GPRC5D: variants seen among roughly 807,000 people sequenced by gnomAD.
The protein encoded by GPRC5D is G protein-coupled receptor family C group 5 member D.
A neutral mutation model predicts 29.3 loss-of-function variants in GPRC5D; 20 were observed. The ratio of observed to expected loss-of-function variants is 0.68; its 90% CI spans 0.48 to 0.99. The LOEUF is 0.99. GPRC5D is among the 50% of genes least tolerant of loss of function. The pLI is 0.00. For synonymous variants in GPRC5D, 178 were observed against 171.3 expected (o/e 1.04, Z -0.30); for missense variants, 384 against 423.6 (o/e 0.91, Z 0.82).
chr12:12,946,309 T>TTTTCTTTCTTTCTTTC (rs745322553), intron 1 of GPRC5D, among the ~76,000 whole-genome samples: 8 of 37,666 alleles, frequency 2.1e-4, no homozygotes, highest in African/African-American at 5.9e-4. Context: ...CCTTCCTTCC[T>TTTTCTTTCTTTCTTTC]TTTCTTTCTT....
chr12:12,946,414 T>C (rs4763906), intron 1 of GPRC5D, among the ~76,000 whole-genome samples: 1 of 42,680 alleles, frequency 2.3e-5, no homozygotes, highest in Non-Finnish European at 9.1e-5. Flanking sequence ...TTCTCTCTCT[T>C]TCTCTCTCTC....
chr12:12,951,226 G>A (rs114899913), upstream of GPRC5D, among the ~76,000 whole-genome samples: 1,025 of 152,282 alleles, frequency 6.7e-3, 16 homozygotes, highest in African/African-American at 0.023. Context: ...TCCATGCTGG[G>A]CACTGTAATT....
upstream of GPRC5D, chr12:12,952,126 G>T (rs1863512625): frequency 6.6e-6 from 1 of 152,134 alleles, no homozygotes; most frequent in South Asian, 2.1e-4. Context: ...GTCCACTCTG[G>T]AAGCTTAGGC....
In GPRC5D at chr12:12,949,566, G is replaced by C. The variant is rs146288496; in HGVS notation, c.819C>G (p.Cys273Trp). 4.2e-5 allele frequency: 68 copies of C among 1,613,212 alleles called. No individual in the cohort carries two copies. The African/African-American group carries it at 8.8e-4, about 21-fold the overall frequency. The stretch of plus-strand genomic sequence containing the variant: ...CGGGGCAGGCATTGCCTTGTAAAGG[G>C]CACTCCTGTCTACACGATCTGTAGA... The change falls in exon 1 of 3, where the codon TGC (cysteine) becomes TGG (tryptophan). Residue 273 changes from cysteine to tryptophan, a missense_variant. Cys to Trp is a radical substitution (Grantham distance 215). Coordinates refer to ENST00000228887, the Ensembl canonical transcript of GPRC5D.
intron 1 of GPRC5D, among the ~76,000 whole-genome samples, chr12:12,944,963 CTTTCCTTT>C (rs1863272160): frequency 7.1e-6 from 1 of 141,572 alleles, no homozygotes; most frequent in Non-Finnish European, 1.5e-5. Context: ...CTTTCCTTTT[CTTTCCTTT>C]TCTTTTTCTC....
chr12:12,949,841 C>T (rs755022083), exon 1 of GPRC5D: 1 of 1,614,052 alleles, frequency 6.2e-7, no homozygotes, highest in South Asian at 1.1e-5. Flanking sequence ...AATGTGAGGG[C>T]CATCAGGAAG....
At chr12:12,944,207 G>A (rs190278805) in intron 1 of GPRC5D, among the ~76,000 whole-genome samples, 7 of 152,224 alleles carry the variant, frequency 4.6e-5, no homozygotes, top group Admixed American at 1.3e-4. Context: ...GGACTCAAGT[G>A]ATCCATCTCA....
chr12:12,944,829 C>CTTT (rs1863247481), intron 1 of GPRC5D, among the ~76,000 whole-genome samples: 1 of 9,624 alleles, frequency 1.0e-4, no homozygotes, highest in African/African-American at 1.6e-4. Flanking sequence ...TTCCTTCCTT[C>CTTT]CTTCCTTCCT....
At chr12:12,950,107 T>C (rs749732851) in exon 1 of GPRC5D, 4 of 1,613,996 alleles carry the variant, frequency 2.5e-6, no homozygotes, top group Non-Finnish European at 3.4e-6. Flanking sequence ...AAAGAGAAAG[T>C]AGCGTACGGG....
intron 1 of GPRC5D, among the ~76,000 whole-genome samples, chr12:12,943,145 G>A (rs1374610894): frequency 1.3e-5 from 2 of 152,164 alleles, no homozygotes; most frequent in Admixed American, 6.5e-5. Context: ...CACTTGAGAC[G>A]ATTCTATATT....
At chr12:12,942,222 C>T in intron 2 of GPRC5D, 39 bp downstream of exon 3, 2 of 1,313,646 alleles carry the variant, frequency 1.5e-6, no homozygotes, top group Non-Finnish European at 1.1e-6. Flanking sequence ...GGAATGCTTG[C>T]TAAGTCCCTC....
intron 1 of GPRC5D, among the ~76,000 whole-genome samples, chr12:12,946,662 A>G (rs887560272): frequency 6.6e-6 from 1 of 151,836 alleles, no homozygotes; most frequent in South Asian, 2.1e-4. Flanking sequence ...ACCCTGTTGG[A>G]CAGGCTGGTC....
At chr12:12,946,684 T>A (rs4763310) in intron 1 of GPRC5D, among the ~76,000 whole-genome samples, 123,317 of 151,768 alleles carry the variant, frequency 0.81, 51,539 homozygotes, top group Non-Finnish European at 0.91. Flanking sequence ...CTAACTCCTG[T>A]CCTCAGGTGA....
At chr12:12,948,458 T>C (rs1863408829) in intron 1 of GPRC5D, 1 of 154,360 alleles carries the variant, frequency 6.5e-6, no homozygotes, top group South Asian at 2.0e-4. Context: ...TCAAAAAAAG[T>C]GTATGTACTT....
intron 1 of GPRC5D, among the ~76,000 whole-genome samples, chr12:12,943,201 C>T (rs981322825): frequency 6.6e-6 from 1 of 152,146 alleles, no homozygotes; most frequent in Non-Finnish European, 1.5e-5. Flanking sequence ...ATGGCTGCCT[C>T]CTCAACCAGC....
At chr12:12,951,169 A>C (rs114590257), upstream of GPRC5D, among the ~76,000 whole-genome samples, 1,008 of 152,218 alleles carry the variant, frequency 6.6e-3, 16 homozygotes, top group African/African-American at 0.023. Flanking sequence ...AAGAACCGCA[A>C]CTGCTTTCGC....
At chr12:12,948,946 G>A (rs533464791) in intron 1 of GPRC5D, among the ~76,000 whole-genome samples, 2 of 152,308 alleles carry the variant, frequency 1.3e-5, no homozygotes, top group East Asian at 3.9e-4. Flanking sequence ...AATAGTAAAT[G>A]TTTTGAAAAG....
chr12:12,940,839 G>C, exon 3 of GPRC5D: 1 of 1,595,982 alleles, frequency 6.3e-7, no homozygotes, highest in South Asian at 1.1e-5. Context: ...CTCTTGTGTG[G>C]GATCAACAGT....
rs1491463748 is a variant in GPRC5D at position 12,944,849 on chromosome 12, CCT to C, written c.896-2523_896-2522del. On this transcript the variant is annotated intron_variant, in intron 1 of 2. Coordinates refer to ENST00000228887, the Ensembl canonical transcript of GPRC5D. ...TCCTTCCTTCCTTCCTTCCTTCCTTCCTTCTTTCTTTCTTTCTTTCTTTCTTT... is the reference window on the plus strand; with the variant it reads ...TCCTTCCTTCCTTCCTTCCTTCCTTCTCTTTCTTTCTTTCTTTCTTTCTTT... Among the ~76,000 whole-genome samples, 333 of 49,726 alleles carry C rather than the reference CCT, an allele frequency of 6.7e-3. 44 individuals are homozygous for C. Among genetic ancestry groups the C allele is most frequent in the Admixed American group, 0.015 (53 of 3,460 alleles). The allele number at this position is 49,726 out of a possible 152,430, so 32.6% of individuals were successfully genotyped here.
Sources: allele counts gnomAD v4.1 joint callset (sites outside exome capture counted in the v4.1 genomes callset), GRCh38; gene constraint gnomAD v4.1.1; transcripts MANE v1.5; gene names NCBI Gene and HGNC (gene_info 2026-07-23, HGNC 2026-07-21).